The following ZSWIM8 variants were observed in gnomAD, a reference collection of about 807,000 sequenced individuals.
ZSWIM8 encodes the protein zinc finger SWIM domain-containing protein 8.
ZSWIM8 carries 27 observed loss-of-function variants against 173.7 expected under a neutral mutation model. That is an observed-to-expected ratio of 0.16 (90% CI 0.11 to 0.21). The LOEUF (loss-of-function observed/expected upper bound fraction) is 0.21. Ranked by LOEUF, ZSWIM8 falls within the 10% of genes least tolerant of loss-of-function variation. ZSWIM8 has a pLI of 1.00. For missense variants in ZSWIM8, 1,627 were observed against 2,428.8 expected (o/e 0.67, Z 6.94); for synonymous variants, 958 against 962.0 (o/e 1.00, Z 0.08).
In ZSWIM8 at chr10:73,788,630, C is replaced by T. The variant is rs752189364; in HGVS notation, c.209-40C>T. 11 of 1,607,442 alleles carry T rather than the reference C, an allele frequency of 6.8e-6. No individual in the cohort carries two copies. The East Asian group carries it at 1.6e-4, about 23-fold the overall frequency. ...CAAGAGACCATGGCCCTTTTCATTTCCTATTCTCTTTCCCCTGATCCCAAC... is the reference window on the plus strand; with the variant it reads ...CAAGAGACCATGGCCCTTTTCATTTTCTATTCTCTTTCCCCTGATCCCAAC... On this transcript the variant is annotated intron_variant, in intron 1 of 25. Coordinates refer to ENST00000604729, the MANE Select transcript of ZSWIM8 (RefSeq NM_001367799.1).
chr10:73,791,348 C>T lies in ZSWIM8; in HGVS notation c.1168C>T (p.Arg390Cys), dbSNP rs373058909. The change falls in exon 9 of 26, where the codon CGT becomes TGT. Residue 390 changes from arginine (R) to cysteine (C), a missense_variant. Transcript: ENST00000604729. This position sits in a 1 kb window ranked among gnomAD's most constrained non-coding sequence, Gnocchi z 6.0. Reference sequence around the variant, plus strand: ...GATAACAGGTTGGTGGTATAGCGTACGTACCTCAGCCTCACACAGCAGTGC... The same window carrying T: ...GATAACAGGTTGGTGGTATAGCGTATGTACCTCAGCCTCACACAGCAGTGC... The part of the protein sequence containing the change: ...EQITGWWYSV[R>C]TSASHSSASG... 8 of 1,612,254 alleles carry T rather than the reference C, an allele frequency of 5.0e-6. No individual in the cohort carries two copies. Among genetic ancestry groups the T allele is most frequent in the Non-Finnish European group, 5.1e-6 (6 of 1,178,522 alleles).
Position 73,799,410 on chromosome 10 carries a change from C to T in ZSWIM8, c.4585C>T (p.His1529Tyr). The change falls in exon 21 of 26, where the codon CAC becomes TAC. Residue 1529 changes from histidine (H) to tyrosine (Y), a missense_variant. Physicochemically the swap from His to Tyr is moderately conservative, Grantham distance 83. This residue lies in a region of ZSWIM8 where 275 missense variants were observed against 290.1 expected (regional missense o/e 0.95). Transcript: ENST00000604729. ...HLPCSPQYLT[H>Y]PAHPAHPMPH... Reference sequence around the variant, plus strand: ...GCCCTGTAGCCCTCAGTATCTCACTCACCCAGCTCACCCTGCCCACCCCAT... The same window carrying T: ...GCCCTGTAGCCCTCAGTATCTCACTTACCCAGCTCACCCTGCCCACCCCAT... The T allele has an allele frequency of 3.1e-6, 5 of 1,610,526 alleles. No homozygotes were observed. Among genetic ancestry groups the T allele is most frequent in the Non-Finnish European group, 4.2e-6 (5 of 1,178,542 alleles).
chr10:73,798,652 T>C (rs1031660678), intron 20 of ZSWIM8, among the ~76,000 whole-genome samples, 199 bp downstream of exon 20: 2 of 152,242 alleles, frequency 1.3e-5, no homozygotes, highest in African/African-American at 4.8e-5. Context: ...AAGGTTAGGT[T>C]TATTTCTATT....
Position 73,797,950 on chromosome 10 carries a change from C to T in ZSWIM8, c.3832C>T (p.Pro1278Ser). The T allele has an allele frequency of 3.7e-6, 6 of 1,614,030 alleles. No homozygotes were observed. The highest frequency in any genetic ancestry group is 5.1e-6 in the Non-Finnish European group (6 of 1,179,898). Residue 1278 changes from proline (P) to serine (S), a missense_variant, in exon 19 of 26, where the codon CCT becomes TCT. Transcript: ENST00000604729. This position sits in a 1 kb window ranked among gnomAD's most constrained non-coding sequence, Gnocchi z 5.6. ...ATCTTCCTCAGGGGGCCACCAGGGT[C>T]CTCACCGCAACCTGCACCTTTGCGC... ...HPSSSGGHQG[P>S]HRNLHLCAFE...
intron 11 of ZSWIM8, 32 bp downstream of exon 11, chr10:73,793,751 C>T (rs868773890): frequency 6.4e-7 from 1 of 1,574,104 alleles, no homozygotes; most frequent in Non-Finnish European, 8.6e-7. Context: ...CCTTCCCCTC[C>T]CCCACTTACC....
In ZSWIM8 at chr10:73,796,780, G is replaced by A; in HGVS notation, c.3040G>A (p.Asp1014Asn). 2 of 1,613,092 alleles carry A rather than the reference G, an allele frequency of 1.2e-6. No individual in the cohort carries two copies. Among genetic ancestry groups the A allele is most frequent in the Non-Finnish European group, 1.7e-6 (2 of 1,179,866 alleles). ...CACTGCTTCTGTCTTCCAGATCTTA[G>A]ACAAACTCTTGGACCGAGAGAGCCA... ...DDQAKLKKIL[D>N]KLLDRESQTH... is the part of the protein sequence containing the mutation. Residue 1014 changes from aspartate to asparagine, a missense_variant, in exon 16 of 26, where the codon GAC (aspartate) becomes AAC (asparagine). Asp to Asn is a conservative substitution (Grantham distance 23, BLOSUM62 1). Around this residue, in one of 18 missense-constraint regions of ZSWIM8, gnomAD observed 163 missense variants for 193.2 expected, o/e 0.84. Transcript: ENST00000604729.
At position 73,791,715 on chromosome 10, in the gene ZSWIM8, A is replaced by C. The variant is rs2083420128; in HGVS notation, c.1320-144A>C. The C allele has an allele frequency of 2.4e-6, 3 of 1,271,412 alleles. No homozygotes were observed. The highest frequency in any genetic ancestry group is 3.2e-6 in the Non-Finnish European group (3 of 951,430). 78.8% of individuals were successfully genotyped at this position (1,271,412 alleles called of 1,614,324 possible). On this transcript the variant is annotated intron_variant, in intron 9 of 25. Transcript: ENST00000604729. The surrounding 1 kb of genome is among the most constrained non-coding windows in gnomAD (Gnocchi z 6.0). Reference sequence around the variant, plus strand: ...TAACACCCACTTTTCAAAATTCTCCAGTGTTTCAGTGATGCTTATGGGGCT... The same window carrying C: ...TAACACCCACTTTTCAAAATTCTCCCGTGTTTCAGTGATGCTTATGGGGCT...
At chr10:73,793,776 A>G in intron 11 of ZSWIM8, 57 bp downstream of exon 11, 3 of 1,075,436 alleles carry the variant, frequency 2.8e-6, no homozygotes, top group African/African-American at 2.8e-5. Context: ...ACCTGCTCCC[A>G]TGCCCCACCC....
Position 73,794,264 on chromosome 10 carries a change from T to C in ZSWIM8, c.2743T>C (p.Cys915Arg). 1 of 1,614,024 alleles carries C rather than the reference T, an allele frequency of 6.2e-7. No homozygotes were observed. Among genetic ancestry groups the C allele is most frequent in the Middle Eastern group, 1.7e-4 (1 of 6,060 alleles). The change falls in exon 13 of 26, where the codon TGT becomes CGT. Residue 915 changes from cysteine (C) to arginine (R), a missense_variant. By Grantham distance (180) the Cys-to-Arg change is radical. This residue lies in a region of ZSWIM8 where 169 missense variants were observed against 235.3 expected (regional missense o/e 0.72). Coordinates refer to ENST00000604729, the MANE Select transcript of ZSWIM8 (RefSeq NM_001367799.1). ...RAEELREGTL[C>R]DYRPVLPLML... ...AGAGGAACTTCGGGAGGGGACACTC[T>C]GTGACTATCGGCCTGTGTTGCCTCT...
chr10:73,800,572 G>A lies in ZSWIM8; in HGVS notation c.5003-68G>A. The A allele has an allele frequency of 6.2e-7, 1 of 1,603,548 alleles. No homozygotes were observed. The highest frequency in any genetic ancestry group is 8.5e-7 in the Non-Finnish European group (1 of 1,173,652). On this transcript the variant is annotated intron_variant, in intron 23 of 25. Transcript: ENST00000604729. This position sits in a 1 kb window ranked among gnomAD's most constrained non-coding sequence, Gnocchi z 4.1. ...CTTCATTTGTTTACTGTGGGGTCAG[G>A]TGACAGGTTGGGGTAAAGGGTGAAG... is the stretch of plus-strand genomic sequence containing the variant.
Position 73,791,095 on chromosome 10 carries a change from G to A in ZSWIM8, c.1062G>A (p.Val354=), listed in dbSNP as rs1277062333. 3.1e-6 allele frequency: 5 copies of A among 1,613,942 alleles called. No homozygotes were observed. Among genetic ancestry groups the A allele is most frequent in the Non-Finnish European group, 4.2e-6 (5 of 1,179,846 alleles). The change falls in exon 8 of 26, where the codon GTG becomes GTA. Residue 354 remains valine (V), a synonymous_variant. Coordinates refer to ENST00000604729, the MANE Select transcript of ZSWIM8 (RefSeq NM_001367799.1). This position sits in a 1 kb window ranked among gnomAD's most constrained non-coding sequence, Gnocchi z 6.0. Reference sequence around the variant, plus strand: ...GCGTCTGGAACCTGCTAAGCATTGTGCGGGAGATGTTCAAGCGGAGGGACA... The same window carrying A: ...GCGTCTGGAACCTGCTAAGCATTGTACGGGAGATGTTCAAGCGGAGGGACA... ...PEGVWNLLSI[V]REMFKRRDSN...
Position 73,798,350 on chromosome 10 carries a change from A to G in ZSWIM8, c.4073A>G (p.Asn1358Ser), listed in dbSNP as rs919852199. ...ADRASRARDS[N>S]MVRAAAELAL... ...AGGGCATCACGGGCAAGAGACTCCAATATGGTGAGGGCGGCAGCAGAGCTG... is the reference window on the plus strand; with the variant it reads ...AGGGCATCACGGGCAAGAGACTCCAGTATGGTGAGGGCGGCAGCAGAGCTG... The change falls in exon 20 of 26, where the codon AAT becomes AGT. Residue 1358 changes from asparagine (N) to serine (S), a missense_variant. Asn to Ser is a conservative substitution (Grantham distance 46). Coordinates refer to ENST00000604729, the MANE Select transcript of ZSWIM8 (RefSeq NM_001367799.1). 1.9e-6 allele frequency: 3 copies of G among 1,613,898 alleles called. No individual in the cohort carries two copies. Among genetic ancestry groups the G allele is most frequent in the Non-Finnish European group, 2.5e-6 (3 of 1,179,898 alleles).
In ZSWIM8 at chr10:73,785,764, G is replaced by C; in HGVS notation, c.-115G>C. 8.5e-7 allele frequency: 1 copy of C among 1,179,506 alleles called. No homozygotes were observed. The highest frequency in any genetic ancestry group is 1.2e-6 in the Non-Finnish European group (1 of 837,260). The allele number at this position is 1,179,506 out of a possible 1,614,324, so 73.1% of individuals were successfully genotyped here. A position where few individuals can be genotyped will look rare whatever the true frequency, so the allele number is the denominator to read the frequency against. ...CCGGCACGGCCGCCCTGAGCGCCCCGGCCACCCCCAGCCCCGGCTCGCCCC... is the reference window on the plus strand; with the variant it reads ...CCGGCACGGCCGCCCTGAGCGCCCCCGCCACCCCCAGCCCCGGCTCGCCCC... On this transcript the variant is annotated 5_prime_UTR_variant, in exon 1 of 26. Transcript: ENST00000604729.
rs761905970 is a variant in ZSWIM8, at chr10:73,801,072, G to T, written c.5178G>T (p.Pro1726=). 8 of 1,564,452 alleles carry T rather than the reference G, an allele frequency of 5.1e-6. No individual in the cohort carries two copies. Among genetic ancestry groups the T allele is most frequent in the African/African-American group, 1.4e-5 (1 of 73,710 alleles). ...GGGCAGCCAAGGGGGTGCTGAGCCC[G>T]TTTGTGCTGCAGGAGATCGTCATGG... is the stretch of plus-strand genomic sequence containing the variant. ...CVGAAKGVLS[P]FVLQEIVMET... The change falls in exon 25 of 26, where the codon CCG becomes CCT. Residue 1726 remains proline (P), a synonymous_variant. Transcript: ENST00000604729. The surrounding 1 kb of genome is among the most constrained non-coding windows in gnomAD (Gnocchi z 4.9).
intron 1 of ZSWIM8, 54 bp from the exon 2 acceptor site, chr10:73,788,615 TG>T: frequency 6.3e-7 from 1 of 1,594,620 alleles, no homozygotes; most frequent in Non-Finnish European, 8.6e-7. Flanking sequence ...CAAGAGACCA[TG>T]GCCCTTTTCA....
At chr10:73,795,203 G>A (rs1426475686) in intron 14 of ZSWIM8, among the ~76,000 whole-genome samples, 1 of 152,174 alleles carries the variant, frequency 6.6e-6, no homozygotes, top group Non-Finnish European at 1.5e-5. Context: ...GTAGAATATG[G>A]AATGTGGGTT....
rs748886927 is a variant in ZSWIM8 at position 73,800,070 on chromosome 10, T to G, written c.4725T>G (p.Leu1575=). The change falls in exon 22 of 26, where the codon CTT becomes CTG. Residue 1575 remains leucine, a synonymous_variant. Coordinates refer to ENST00000604729, the MANE Select transcript of ZSWIM8 (RefSeq NM_001367799.1). The surrounding 1 kb of genome is among the most constrained non-coding windows in gnomAD (Gnocchi z 4.1). ...QYPYSVTPPS[L]AATAVSFPVP... is the part of the protein sequence containing the mutation. ...CTTATTCAGTGACTCCTCCCTCACT[T>G]GCTGCCACTGCTGTGTCTTTCCCCG... 3 of 1,613,846 alleles carry G rather than the reference T, an allele frequency of 1.9e-6. No homozygotes were observed. In the East Asian group the frequency reaches 6.7e-5, roughly 36 times the overall value.
At chr10:73,786,345 TGCGCGCGC>T (rs1274488060) in intron 1 of ZSWIM8, 2 of 351,586 alleles carry the variant, frequency 5.7e-6, no homozygotes, top group East Asian at 4.4e-5. Context: ...TGTGTGTGTG[TGCGCGCGC>T]GCGCGTGCGC....
intron 15 of ZSWIM8, 23 bp from the exon 16 acceptor site, chr10:73,796,751 A>G (rs2083680444): frequency 1.2e-6 from 2 of 1,609,636 alleles, no homozygotes; most frequent in Non-Finnish European, 1.7e-6. Flanking sequence ...GCTTCTCTGG[A>G]GGTCACTGCT....
Sources: allele counts gnomAD v4.1 joint callset (sites outside exome capture counted in the v4.1 genomes callset), GRCh38; gene constraint gnomAD v4.1.1; regional missense constraint gnomAD v4.1.1; non-coding constraint Gnocchi (gnomAD v3.1); transcripts MANE v1.5; gene names NCBI Gene and HGNC (gene_info 2026-07-23, HGNC 2026-07-21).